The following TMEM132B variants were observed in gnomAD, a reference collection of about 807,000 sequenced individuals.
TMEM132B encodes transmembrane protein 132B.
Under a neutral mutation model 90.8 loss-of-function variants are expected in TMEM132B, and 18 were observed. The ratio of observed to expected loss-of-function variants is 0.20; its 90% confidence interval spans 0.14 to 0.29. TMEM132B has a LOEUF of 0.29. Among genes scored for constraint, TMEM132B ranks in the 10% least tolerant of loss-of-function variants. The pLI, the probability that TMEM132B is intolerant of heterozygous loss-of-function variation, is 1.00. For synonymous variants in TMEM132B, 504 were observed against 523.3 expected, an observed-to-expected ratio of 0.96 and a Z score of 0.50; for missense variants, 1,096 against 1,326.8, an observed-to-expected ratio of 0.83 and a Z score of 2.70.
At chr12:125,362,340 G>T (rs1056197580) in intron 2 of TMEM132B, among the ~76,000 whole-genome samples, 4 of 152,068 alleles carry the variant, frequency 2.6e-5, no homozygotes, top group Non-Finnish European at 4.4e-5. Flanking sequence ...CTTACATTTT[G>T]TTTCTTTTAG....
chr12:125,401,441 G>A (rs949880103), intron 2 of TMEM132B, among the ~76,000 whole-genome samples: 2 of 152,150 alleles, frequency 1.3e-5, no homozygotes, highest in African/African-American at 4.8e-5. Flanking sequence ...GAGGATAAGA[G>A]GGATTTGCCA....
At chr12:125,623,182 G>A (rs138762465) in intron 5 of TMEM132B, among the ~76,000 whole-genome samples, 1 of 152,256 alleles carries the variant, frequency 6.6e-6, no homozygotes, top group African/African-American at 2.4e-5. Context: ...TGAATTGTAA[G>A]CCTAGATATT....
At chr12:125,275,241 C>CA (rs1874957780) in intron 1 of TMEM132B, among the ~76,000 whole-genome samples, 1 of 152,130 alleles carries the variant, frequency 6.6e-6, no homozygotes, top group Admixed American at 6.5e-5. Flanking sequence ...GTAGATTCAG[C>CA]TTTTTTTGTT....
intron 2 of TMEM132B, among the ~76,000 whole-genome samples, chr12:125,358,090 T>C (rs1269303427): frequency 6.6e-6 from 1 of 152,014 alleles, no homozygotes; most frequent in Non-Finnish European, 1.5e-5. Flanking sequence ...ATTTCCTTGT[T>C]TTTTTTTGAA....
At chr12:125,250,171 G>T (rs547035018) in intron 1 of TMEM132B, among the ~76,000 whole-genome samples, 1 of 152,356 alleles carries the variant, frequency 6.6e-6, no homozygotes, top group South Asian at 2.1e-4. Flanking sequence ...CCCACATTGT[G>T]GGGGGATCTG....
chr12:125,459,681 G>T lies in TMEM132B; in HGVS notation c.1106+44004G>T, dbSNP rs927285895. Among the ~76,000 whole-genome samples, 1 of 152,208 alleles carries T rather than the reference G, an allele frequency of 6.6e-6. No homozygotes were observed. The highest frequency in any genetic ancestry group is 6.5e-5 in the Admixed American group (1 of 15,276). On this transcript the variant is annotated intron_variant, in intron 3 of 8. Transcript: ENST00000682704. The surrounding 1 kb of genome is among the most constrained non-coding windows in gnomAD (Gnocchi z 4.1). ...ATAACTAGAAGAGTATAATTGGATTGTTTGTAACACAAAGGATAAATGCTT... is the reference window on the plus strand; with the variant it reads ...ATAACTAGAAGAGTATAATTGGATTTTTTGTAACACAAAGGATAAATGCTT...
chr12:125,588,572 C>T (rs1885232845), intron 5 of TMEM132B, among the ~76,000 whole-genome samples: 1 of 152,202 alleles, frequency 6.6e-6, no homozygotes, highest in Non-Finnish European at 1.5e-5. Context: ...AAGTGATCTG[C>T]CTGCCTCAGC....
chr12:125,646,750 C>T (rs1010048736), intron 6 of TMEM132B, among the ~76,000 whole-genome samples: 1 of 152,226 alleles, frequency 6.6e-6, no homozygotes, highest in Admixed American at 6.5e-5. Context: ...ATTTCAGCTG[C>T]ACCCAGGGTT....
chr12:125,386,622 G>C (rs980786141), intron 2 of TMEM132B, among the ~76,000 whole-genome samples: 1 of 152,232 alleles, frequency 6.6e-6, no homozygotes, highest in Admixed American at 6.5e-5. Flanking sequence ...GCAAGACAAG[G>C]AGTGAGCAGG....
intron 3 of TMEM132B, among the ~76,000 whole-genome samples, chr12:125,452,335 A>G (rs918830948): frequency 1.3e-5 from 2 of 152,218 alleles, no homozygotes; most frequent in African/African-American, 4.8e-5. Flanking sequence ...TTTAACTTCT[A>G]TAAAGTATTT....
At chr12:125,326,027 A>G (rs2136195862) in intron 1 of TMEM132B, among the ~76,000 whole-genome samples, 1 of 152,276 alleles carries the variant, frequency 6.6e-6, no homozygotes, top group East Asian at 1.9e-4. Context: ...CATGTAGTGC[A>G]GTGACATTTG....
intron 3 of TMEM132B, among the ~76,000 whole-genome samples, chr12:125,464,427 C>T (rs957015012): frequency 6.6e-6 from 1 of 152,166 alleles, no homozygotes; most frequent in Non-Finnish European, 1.5e-5. Context: ...TTGGATGGGT[C>T]GAAACTGCTT....
intron 3 of TMEM132B, among the ~76,000 whole-genome samples, chr12:125,481,559 C>G (rs1041325657): frequency 1.3e-4 from 20 of 152,156 alleles, no homozygotes; most frequent in African/African-American, 4.3e-4. Flanking sequence ...TGTGAAGGAT[C>G]TCTTCAAGGA....
At chr12:125,243,730 C>T (rs549307667) in intron 1 of TMEM132B, among the ~76,000 whole-genome samples, 13 of 152,290 alleles carry the variant, frequency 8.5e-5, no homozygotes, top group African/African-American at 3.1e-4. Context: ...CGTCATAGTC[C>T]CCAATGTCTG....
At chr12:125,249,357 G>A (rs1393091622) in intron 1 of TMEM132B, among the ~76,000 whole-genome samples, 2 of 152,142 alleles carry the variant, frequency 1.3e-5, no homozygotes, top group Admixed American at 6.5e-5. Flanking sequence ...CGAGAACCAC[G>A]CTCTGAGAAC....
At chr12:125,288,636 C>T (rs1050071378) in intron 1 of TMEM132B, among the ~76,000 whole-genome samples, 4 of 151,864 alleles carry the variant, frequency 2.6e-5, no homozygotes, top group African/African-American at 9.7e-5. Flanking sequence ...GACCATGTTA[C>T]GCTTGTATTT....
intron 5 of TMEM132B, among the ~76,000 whole-genome samples, chr12:125,591,794 C>T (rs1170759593): frequency 1.3e-5 from 2 of 152,174 alleles, no homozygotes; most frequent in Non-Finnish European, 2.9e-5. Context: ...CATGGTCTCA[C>T]CCCTGTGTCT....
chr12:125,471,878 G>C (rs1404475588), intron 3 of TMEM132B, among the ~76,000 whole-genome samples: 1 of 152,202 alleles, frequency 6.6e-6, no homozygotes, highest in East Asian at 1.9e-4. Flanking sequence ...GGGGTACAGG[G>C]TAAAGGCACG....
intron 3 of TMEM132B, among the ~76,000 whole-genome samples, chr12:125,509,379 G>T (rs1212354199): frequency 3.9e-5 from 6 of 152,192 alleles, no homozygotes; most frequent in Non-Finnish European, 8.8e-5. Flanking sequence ...TGGTCCTGTG[G>T]TCAGATGGGG....
Sources: allele counts gnomAD v4.1 joint callset (sites outside exome capture counted in the v4.1 genomes callset), GRCh38; gene constraint gnomAD v4.1.1; non-coding constraint Gnocchi (gnomAD v3.1); transcripts MANE v1.5; gene names NCBI Gene and HGNC (gene_info 2026-07-23, HGNC 2026-07-21).